The following SUN3 variants were observed in gnomAD, a reference collection of about 807,000 sequenced individuals.
SUN3 encodes the protein Sad1 and UNC84 domain containing 3.
SUN3 carries 36 observed loss-of-function variants against 48.2 expected under a neutral mutation model. The ratio of observed to expected loss-of-function variants is 0.75; its 90% CI spans 0.57 to 0.99. The LOEUF is 0.99. SUN3 is among the 50% of genes least tolerant of loss of function. The pLI is 0.00. For missense variants in SUN3, 419 were observed against 433.1 expected, an observed-to-expected ratio of 0.97 and a Z score of 0.29; for synonymous variants, 148 against 147.9, an observed-to-expected ratio of 1.00 and a Z score of 0.00.
chr7:48,023,470 A>C (rs1790055562), intron 2 of SUN3, among the ~76,000 whole-genome samples: 1 of 152,176 alleles, frequency 6.6e-6, no homozygotes, highest in Non-Finnish European at 1.5e-5. Context: ...AGTGCACTAC[A>C]ACAAAGCAAT....
At chr7:48,033,969 G>C (rs1790286126), upstream of SUN3, among the ~76,000 whole-genome samples, 1 of 152,152 alleles carries the variant, frequency 6.6e-6, no homozygotes, top group Admixed American at 6.5e-5. Flanking sequence ...CAGGAGAATT[G>C]CTTGAACCCA....
At chr7:48,006,456 A>C (rs1247038745) in intron 5 of SUN3, among the ~76,000 whole-genome samples, 2 of 152,198 alleles carry the variant, frequency 1.3e-5, no homozygotes, top group Non-Finnish European at 2.9e-5. Context: ...TTGGGAATCA[A>C]GGCAGTTTAC....
intron 8 of SUN3, among the ~76,000 whole-genome samples, chr7:47,992,924 G>A (rs1331489889): frequency 6.6e-6 from 1 of 152,030 alleles, no homozygotes; most frequent in Non-Finnish European, 1.5e-5. Context: ...AGGCCAAGGC[G>A]GGAGGATCCT....
intron 8 of SUN3, among the ~76,000 whole-genome samples, chr7:47,990,654 T>C (rs1432820386): frequency 6.6e-6 from 1 of 152,058 alleles, no homozygotes; most frequent in African/African-American, 2.4e-5. Flanking sequence ...TACACATGAC[T>C]CAAGCCTCAT....
At chr7:48,032,556 C>A (rs1240104867), upstream of SUN3, among the ~76,000 whole-genome samples, 1 of 152,158 alleles carries the variant, frequency 6.6e-6, no homozygotes, top group Non-Finnish European at 1.5e-5. Flanking sequence ...CTTGTTTCTC[C>A]AATGAGGCTG....
At chr7:48,020,120 G>A (rs764777956) in intron 2 of SUN3, among the ~76,000 whole-genome samples, 2 of 152,038 alleles carry the variant, frequency 1.3e-5, no homozygotes, top group African/African-American at 2.4e-5. Flanking sequence ...ATGACTGAGT[G>A]GGATTTATCC....
At chr7:48,026,851 T>C (rs927847784) in intron 1 of SUN3, among the ~76,000 whole-genome samples, 3 of 152,122 alleles carry the variant, frequency 2.0e-5, no homozygotes, top group African/African-American at 7.2e-5. Flanking sequence ...CCAAATCAGC[T>C]GGAACCTTGG....
intron 4 of SUN3, among the ~76,000 whole-genome samples, chr7:48,008,827 T>A (rs749705014): frequency 6.6e-6 from 1 of 152,152 alleles, no homozygotes; most frequent in Non-Finnish European, 1.5e-5. Context: ...CCTTTTTTTC[T>A]TTTTCTTCCT....
chr7:48,025,961 T>G, intron 1 of SUN3, 23 bp from the exon 2 acceptor site: 1 of 1,531,514 alleles, frequency 6.5e-7, no homozygotes, highest in Non-Finnish European at 9.0e-7. Flanking sequence ...AAACAATGAT[T>G]AGAAAAAGAA....
upstream of SUN3, among the ~76,000 whole-genome samples, chr7:48,033,270 T>C (rs1490053787): frequency 1.3e-5 from 2 of 152,174 alleles, no homozygotes; most frequent in African/African-American, 2.4e-5. Flanking sequence ...ACTGCAAAAG[T>C]CAAAAGTTGG....
At chr7:47,987,539 CTTTT>C in intron 9 of SUN3, 90 bp from the exon 10 acceptor site, 1 of 1,070,230 alleles carries the variant, frequency 9.3e-7, no homozygotes, top group Middle Eastern at 3.6e-4. Flanking sequence ...AAATTATATA[CTTTT>C]TTTTTTTCGA....
chr7:48,000,477 T>A (rs576381376), intron 6 of SUN3, among the ~76,000 whole-genome samples: 1 of 152,356 alleles, frequency 6.6e-6, no homozygotes, highest in South Asian at 2.1e-4. Context: ...TTGCTCTTTC[T>A]TCATTCTTTA....
intron 6 of SUN3, among the ~76,000 whole-genome samples, chr7:48,002,410 G>C (rs1231578949): frequency 1.6e-5 from 2 of 126,966 alleles, no homozygotes; most frequent in Admixed American, 7.1e-5. Flanking sequence ...CACCCGCCTC[G>C]GCCTCCCAAA....
intron 2 of SUN3, among the ~76,000 whole-genome samples, chr7:48,019,124 T>A (rs2128781494): frequency 6.6e-6 from 1 of 152,242 alleles, no homozygotes; most frequent in Admixed American, 6.5e-5. Context: ...ATGAAATTAT[T>A]GAGTCTGTGA....
chr7:47,993,976 G>C (rs1382967760), intron 8 of SUN3, among the ~76,000 whole-genome samples: 6 of 152,072 alleles, frequency 3.9e-5, no homozygotes, highest in Non-Finnish European at 7.4e-5. Flanking sequence ...AGCCAACATG[G>C]AGGCAAGTAC....
upstream of SUN3, among the ~76,000 whole-genome samples, chr7:48,033,039 A>T (rs1790273855): frequency 6.6e-6 from 1 of 152,262 alleles, no homozygotes; most frequent in East Asian, 1.9e-4. Context: ...TGAAAAAATT[A>T]GGCATAAAGT....
intron 3 of SUN3, among the ~76,000 whole-genome samples, chr7:48,011,384 A>C (rs1789679088): frequency 6.6e-6 from 1 of 152,238 alleles, no homozygotes. Flanking sequence ...TAATGATGTC[A>C]GAATGGAATG....
chr7:48,007,075 A>G, intron 5 of SUN3, 90 bp downstream of exon 5: 1 of 1,301,260 alleles, frequency 7.7e-7, no homozygotes, highest in Non-Finnish European at 1.1e-6. Flanking sequence ...CAGATGTGAC[A>G]TCGGAAGGAC....
At position 48,005,969 on chromosome 7, in the gene SUN3, C is replaced by T. The variant is rs776454621; in HGVS notation, c.577G>A (p.Gly193Arg). 13 of 1,604,862 alleles carry T rather than the reference C, an allele frequency of 8.1e-6. No individual in the cohort carries two copies. The highest frequency in any genetic ancestry group is 6.7e-5 in the East Asian group (3 of 44,742). The change falls in exon 6 of 10, where the codon GGA (glycine) becomes AGA (arginine). Residue 193 changes from glycine to arginine, a missense_variant and splice_region_variant. Gly to Arg is a moderately radical substitution (Grantham distance 125). Transcript: ENST00000297325. ...EMADYALKSA[G>R]ASIIEAGTSE... The stretch of plus-strand genomic sequence containing the variant: ...CTCTTTTCACTTTTTCTGTACTCAC[C>T]GGCCGACTTCAGGGCATAATCAGCC...
Sources: gnomAD v4.1 joint callset for allele counts (sites outside exome capture counted in the v4.1 genomes callset) on GRCh38, gnomAD v4.1.1 for gene constraint, MANE v1.5 for transcripts, NCBI Gene and HGNC (gene_info 2026-07-23, HGNC 2026-07-21) for gene names.